RNLS: variants seen among roughly 807,000 people sequenced by gnomAD.
RNLS encodes renalase.
A neutral mutation model predicts 39.8 loss-of-function variants in RNLS; 39 were observed. The observed-to-expected ratio is 0.98, with a 90% CI of 0.76 to 1.28. RNLS has a LOEUF of 1.28. Ranked by LOEUF, RNLS falls within the 50% of genes most tolerant of loss-of-function variation. The probability of loss-of-function intolerance (pLI) is 0.00; values close to 1 mark genes in which losing one functional copy is unlikely to be tolerated. For synonymous variants in RNLS, 147 were observed against 150.7 expected, an observed-to-expected ratio of 0.98 and a Z score of 0.18; for missense variants, 410 against 413.3, an observed-to-expected ratio of 0.99 and a Z score of 0.07.
exon 7 of RNLS, chr10:88,274,808 G>T: frequency 1.9e-6 from 1 of 532,158 alleles, no homozygotes; most frequent in South Asian, 2.4e-5. Context: ...ATTCCCACCG[G>T]CACTGCACAA....
At chr10:88,439,515 C>A (rs992214857) in intron 4 of RNLS, among the ~76,000 whole-genome samples, 1 of 152,134 alleles carries the variant, frequency 6.6e-6, no homozygotes, top group Non-Finnish European at 1.5e-5. Context: ...TCAAGCAGCA[C>A]AAACTTTAAA....
chr10:88,291,327 GAAACTGACAGAGAT>G (rs1256644988), intron 6 of RNLS, among the ~76,000 whole-genome samples: 1 of 152,152 alleles, frequency 6.6e-6, no homozygotes, highest in Non-Finnish European at 1.5e-5. Context: ...AGCGTCAGGT[GAAACTGACAGAGAT>G]ATACTGGTTA....
intron 5 of RNLS, among the ~76,000 whole-genome samples, chr10:88,327,351 G>C (rs566322602): frequency 6.6e-6 from 1 of 152,274 alleles, no homozygotes; most frequent in South Asian, 2.1e-4. Flanking sequence ...GAGGTGATTG[G>C]ATCATGGGGG....
At chr10:88,363,973 T>TTTAGGAAAATGGGACAAGAAAAAATAC (rs1371871086) in intron 4 of RNLS, among the ~76,000 whole-genome samples, 25 of 152,120 alleles carry the variant, frequency 1.6e-4, no homozygotes, top group African/African-American at 5.6e-4. Flanking sequence ...AGAAAAAATA[T>TTTAGGAAAATGGGACAAGAAAAAATAC]TTAGGAAAAT....
intron 4 of RNLS, among the ~76,000 whole-genome samples, chr10:88,556,441 C>T (rs1848881026): frequency 6.6e-6 from 1 of 152,182 alleles, no homozygotes; most frequent in Non-Finnish European, 1.5e-5. Flanking sequence ...TACAGTCTAA[C>T]TTCCAAAACA....
chr10:88,257,493 G>C, the RNLS span, among the ~76,000 whole-genome samples: 122 of 152,348 alleles, frequency 8.0e-4, no homozygotes, highest in African/African-American at 2.9e-3. Context: ...TAGGGTGATA[G>C]AGTGGGTTTG....
intron 4 of RNLS, among the ~76,000 whole-genome samples, chr10:88,571,534 A>G (rs74147232): frequency 0.013 from 2,011 of 152,312 alleles, 48 homozygotes; most frequent in African/African-American, 0.045. Flanking sequence ...GACTCCCTTC[A>G]ATTCTGAGTT....
intron 4 of RNLS, among the ~76,000 whole-genome samples, chr10:88,394,734 C>T (rs1357440109): frequency 1.3e-5 from 2 of 152,146 alleles, no homozygotes; most frequent in African/African-American, 2.4e-5. Flanking sequence ...GCTATAAAGA[C>T]ACATGCACAC....
chr10:88,381,384 G>A (rs914550806), intron 4 of RNLS, among the ~76,000 whole-genome samples: 6 of 147,602 alleles, frequency 4.1e-5, no homozygotes, highest in South Asian at 4.3e-4. Flanking sequence ...TGTTGTTTTC[G>A]TTATTCTTGT....
At chr10:88,546,657 C>T (rs1225279964) in intron 4 of RNLS, among the ~76,000 whole-genome samples, 1 of 152,038 alleles carries the variant, frequency 6.6e-6, no homozygotes, top group East Asian at 1.9e-4. Flanking sequence ...AGATTGTTGG[C>T]TTCGTGTGAG....
intron 4 of RNLS, among the ~76,000 whole-genome samples, chr10:88,499,119 C>T (rs725683): frequency 0.48 from 72,448 of 151,914 alleles, 17,841 homozygotes; most frequent in East Asian, 0.57. Context: ...AGATCAGTGC[C>T]GAAGTGATTA....
chr10:88,363,744 G>C (rs1224180964), intron 4 of RNLS, among the ~76,000 whole-genome samples: 3 of 152,124 alleles, frequency 2.0e-5, no homozygotes, highest in Non-Finnish European at 4.4e-5. Flanking sequence ...CCTGGAAAAG[G>C]AATTGAGCAG....
chr10:88,271,400 G>C (rs1842646007), downstream of RNLS, among the ~76,000 whole-genome samples: 1 of 152,164 alleles, frequency 6.6e-6, no homozygotes, highest in South Asian at 2.1e-4. Context: ...CTGAGCTGGA[G>C]ATAAAAGCAG....
At chr10:88,201,125 G>C in the RNLS span, among the ~76,000 whole-genome samples, 1 of 152,084 alleles carries the variant, frequency 6.6e-6, no homozygotes, top group Non-Finnish European at 1.5e-5. Flanking sequence ...CCATAGACCA[G>C]TCATTGGATA....
the RNLS span, among the ~76,000 whole-genome samples, chr10:88,196,606 G>A: frequency 6.6e-6 from 1 of 152,102 alleles, no homozygotes; most frequent in Non-Finnish European, 1.5e-5. Context: ...TTCTCTCTCA[G>A]TTATCTGCTT....
chr10:88,340,885 C>T (rs1205901735), intron 5 of RNLS, among the ~76,000 whole-genome samples: 2 of 151,444 alleles, frequency 1.3e-5, no homozygotes, highest in East Asian at 3.9e-4. Flanking sequence ...CATGGTGAAA[C>T]CCCATCTCTA....
At chr10:88,253,320 A>G in the RNLS span, among the ~76,000 whole-genome samples, 7 of 152,254 alleles carry the variant, frequency 4.6e-5, no homozygotes, top group East Asian at 1.3e-3. Flanking sequence ...GTCCTACCCA[A>G]TCCCTGAGGG....
intron 4 of RNLS, among the ~76,000 whole-genome samples, chr10:88,455,817 G>A (rs753816076): frequency 6.6e-5 from 10 of 152,086 alleles, no homozygotes; most frequent in Non-Finnish European, 1.3e-4. Flanking sequence ...CAGTGACTTG[G>A]TTATTTCCCA....
intron 5 of RNLS, among the ~76,000 whole-genome samples, chr10:88,324,092 G>C (rs1445723136): frequency 6.6e-6 from 1 of 152,072 alleles, no homozygotes; most frequent in African/African-American, 2.4e-5. Flanking sequence ...ATAGATGCTG[G>C]CAAGGCTGCA....
Sources: allele counts gnomAD v4.1 joint callset (sites outside exome capture counted in the v4.1 genomes callset), GRCh38; gene constraint gnomAD v4.1.1; transcripts MANE v1.5; gene names NCBI Gene and HGNC (gene_info 2026-07-23, HGNC 2026-07-21).